Variants in WLS observed in about 807,000 individuals in gnomAD.
WLS encodes protein wntless homolog.
In WLS, 23 loss-of-function variants were observed where a neutral mutation model predicts 62.8. That is an observed-to-expected ratio of 0.37 (90% confidence interval 0.26 to 0.52). WLS has a LOEUF of 0.52. Ranked by LOEUF, WLS falls within the 20% of genes least tolerant of loss-of-function variation. The pLI is 0.92. For missense variants in WLS, 615 were observed against 697.3 expected, an observed-to-expected ratio of 0.88 and a Z score of 1.33; for synonymous variants, 246 against 244.1, an observed-to-expected ratio of 1.01 and a Z score of -0.07.
chr1:68,177,757 G>C (rs185020678), intron 2 of WLS, among the ~76,000 whole-genome samples: 1 of 152,278 alleles, frequency 6.6e-6, no homozygotes, highest in Non-Finnish European at 1.5e-5. Flanking sequence ...GCCTCCCAAA[G>C]TGCTGGGATT....
Position 68,146,081 on chromosome 1 carries a change from C to T in WLS, c.1135-69G>A, listed in dbSNP as rs181191468. ...AGTTGAGCCGGGTCCAGGCCCTTCT[C>T]CCCAGGTCTGTTGGCAATACTTGTT... On this transcript the variant is annotated intron_variant, in intron 8 of 11. Transcript: ENST00000262348. 4.1e-5 allele frequency: 64 copies of T among 1,552,482 alleles called. No homozygotes were observed. In the Admixed American group the frequency reaches 1.2e-3, roughly 29 times the overall value.
intron 2 of WLS, among the ~76,000 whole-genome samples, chr1:68,189,363 CAAT>C (rs1240318574): frequency 6.6e-6 from 1 of 152,190 alleles, no homozygotes; most frequent in Non-Finnish European, 1.5e-5. Flanking sequence ...CTAAGATCTA[CAAT>C]AAGAATGAAT....
chr1:68,197,986 TGG>T (rs1240430051), intron 1 of WLS, among the ~76,000 whole-genome samples: 1 of 152,154 alleles, frequency 6.6e-6, no homozygotes, highest in Non-Finnish European at 1.5e-5. Context: ...AAGAGGGGGC[TGG>T]ATAGATTCAG....
chr1:68,115,244 T>C (rs554611123), intron 11 of WLS, among the ~76,000 whole-genome samples: 35 of 152,270 alleles, frequency 2.3e-4, no homozygotes, highest in African/African-American at 7.7e-4. Context: ...CCTCTCCCTC[T>C]CAGGGACACG....
At chr1:68,218,244 TTTC>T (rs1484455558) in intron 1 of WLS, among the ~76,000 whole-genome samples, 2 of 152,204 alleles carry the variant, frequency 1.3e-5, no homozygotes, top group Non-Finnish European at 2.9e-5. Context: ...TGGATTTTTT[TTTC>T]TTTTTTCTTT....
At chr1:68,199,311 G>A (rs1008229924) in intron 1 of WLS, among the ~76,000 whole-genome samples, 1 of 152,190 alleles carries the variant, frequency 6.6e-6, no homozygotes, top group African/African-American at 2.4e-5. Context: ...GTGGGAGGCT[G>A]AGAAGTTCAC....
chr1:68,147,535 T>C (rs1375676097), intron 8 of WLS, among the ~76,000 whole-genome samples: 2 of 152,188 alleles, frequency 1.3e-5, no homozygotes, highest in East Asian at 1.9e-4. Flanking sequence ...CACATACTAT[T>C]CCGGAAGATA....
At position 68,162,584 on chromosome 1, in the gene WLS, C is replaced by G. The variant is rs976976941; in HGVS notation, c.380-3337G>C. 8.1e-6 allele frequency: 12 copies of G among 1,484,550 alleles called. No individual in the cohort carries two copies. In the African/African-American group the frequency reaches 9.7e-5, roughly 12 times the overall value. 92.0% of individuals were successfully genotyped at this position (1,484,550 alleles called of 1,614,324 possible). A position where few individuals can be genotyped will look rare whatever the true frequency, so the allele number is the denominator to read the frequency against. On this transcript the variant is annotated intron_variant, in intron 2 of 11. Coordinates refer to ENST00000262348, the MANE Select transcript of WLS (RefSeq NM_024911.7). ...ATGCTGGCCGATCCCGAGGCCAACTCGCGGTTCTGCTCCATGCTCTGAACC... is the reference window on the plus strand; with the variant it reads ...ATGCTGGCCGATCCCGAGGCCAACTGGCGGTTCTGCTCCATGCTCTGAACC...
At chr1:68,202,611 C>G (rs1436135489) in intron 1 of WLS, 1 of 152,202 alleles carries the variant, frequency 6.6e-6, no homozygotes, top group Non-Finnish European at 1.5e-5. Context: ...TCTGTTGACG[C>G]TATTGCTCAT....
chr1:68,100,051 A>C (rs1243809570), intron 11 of WLS, among the ~76,000 whole-genome samples: 1 of 152,234 alleles, frequency 6.6e-6, no homozygotes, highest in Non-Finnish European at 1.5e-5. Context: ...GTTCTCAGAG[A>C]AAACAGTTTT....
At chr1:68,162,101 G>GT (rs1174260089) in intron 2 of WLS, 1 of 1,563,724 alleles carries the variant, frequency 6.4e-7, no homozygotes, top group African/African-American at 1.4e-5. Flanking sequence ...CTCATCTCCA[G>GT]TGACGCCTGC....
chr1:68,187,163 T>A (rs1306754029), intron 2 of WLS, among the ~76,000 whole-genome samples: 2 of 106,098 alleles, frequency 1.9e-5, no homozygotes, highest in African/African-American at 8.1e-5. Flanking sequence ...CACTCCAGCC[T>A]GGGGGACAGA....
chr1:68,118,875 C>CAAAAAAAAAAAAAAAAAAAAAA lies in WLS; in HGVS notation c.1510+18883_1510+18904dup, dbSNP rs33982774. Among the ~76,000 whole-genome samples the CAAAAAAAAAAAAAAAAAAAAAA allele has an allele frequency of 4.5e-4, 12 of 26,390 alleles. 2 individuals carry two copies. The highest frequency in any genetic ancestry group is 4.3e-3 in the East Asian group (2 of 470). 17.3% of individuals were successfully genotyped at this position (26,390 alleles called of 152,430 possible). A position where few individuals can be genotyped will look rare whatever the true frequency, so the allele number is the denominator to read the frequency against. On this transcript the variant is annotated intron_variant, in intron 11 of 11. Transcript: ENST00000354777. ...CTGGGTGACGAGCAAGACTCTGTCT[C>CAAAAAAAAAAAAAAAAAAAAAA]AAAAAAAAAAAAAAAAAAAAAAAAA...
At chr1:68,191,916 C>A (rs1347390815) in intron 2 of WLS, among the ~76,000 whole-genome samples, 4 of 152,192 alleles carry the variant, frequency 2.6e-5, no homozygotes, top group Non-Finnish European at 5.9e-5. Flanking sequence ...CGCCAACACA[C>A]ACCCACACAC....
intron 2 of WLS, among the ~76,000 whole-genome samples, chr1:68,166,734 C>T (rs1647064917): frequency 6.6e-6 from 1 of 152,214 alleles, no homozygotes; most frequent in African/African-American, 2.4e-5. Flanking sequence ...CTAAAGCCAT[C>T]TATTGTTGGC....
chr1:68,140,913 C>T (rs180728547), intron 10 of WLS, among the ~76,000 whole-genome samples: 8 of 152,156 alleles, frequency 5.3e-5, no homozygotes, highest in East Asian at 1.9e-4. Context: ...AATGCCAAGG[C>T]GGAGGTAACA....
At chr1:68,118,354 C>T (rs747834808) in intron 11 of WLS, among the ~76,000 whole-genome samples, 9 of 152,302 alleles carry the variant, frequency 5.9e-5, no homozygotes, top group African/African-American at 1.7e-4. Flanking sequence ...TTCAAAACTA[C>T]GTAGTGTCAG....
exon 12 of WLS, chr1:68,098,635 A>C: frequency 6.2e-7 from 1 of 1,613,784 alleles, no homozygotes; most frequent in Non-Finnish European, 8.5e-7. Flanking sequence ...TGTTGACTCA[A>C]ATACCAGAAG....
At position 68,103,059 on chromosome 1, in the gene WLS, G is replaced by A. The variant is rs1039867203; in HGVS notation, c.1511-4306C>T. Among the ~76,000 whole-genome samples the A allele has an allele frequency of 4.6e-5, 7 of 152,266 alleles. No homozygotes were observed. The East Asian group carries it at 1.2e-3, about 25-fold the overall frequency. ...GTTCTGTATCTGACCCCAGTGGACC[G>A]GAACCTGCACGTAGGTCTGCTGCCT... On this transcript the variant is annotated intron_variant, in intron 11 of 11. Transcript: ENST00000354777.
Sources: gnomAD v4.1 joint callset for allele counts (sites outside exome capture counted in the v4.1 genomes callset) on GRCh38, gnomAD v4.1.1 for gene constraint, MANE v1.5 for transcripts, NCBI Gene and HGNC (gene_info 2026-07-23, HGNC 2026-07-21) for gene names.